NXPE2: variants seen among roughly 807,000 people sequenced by gnomAD.
NXPE2 encodes the protein NXPE family member 2.
Under a neutral mutation model 34.4 loss-of-function variants are expected in NXPE2, and 34 were observed. That is an observed-to-expected ratio of 0.99 (90% CI 0.75 to 1.31). NXPE2 has a LOEUF of 1.31. NXPE2 is among the 40% of genes most tolerant of loss of function. NXPE2 has a pLI of 0.00. For missense variants in NXPE2, 649 were observed against 672.5 expected, an observed-to-expected ratio of 0.97 and a Z score of 0.39; for synonymous variants, 235 against 231.3, an observed-to-expected ratio of 1.02 and a Z score of -0.15.
chr11:114,752,799 T>G, the NXPE2 span, among the ~76,000 whole-genome samples: 1 of 152,132 alleles, frequency 6.6e-6, no homozygotes, highest in Admixed American at 6.5e-5. Context: ...CAAGTAGAGA[T>G]GTCTAGTAAC....
the NXPE2 span, chr11:114,583,121 A>T: frequency 1.6e-6 from 2 of 1,271,456 alleles, no homozygotes; most frequent in Admixed American, 2.3e-5. Flanking sequence ...ACATGTTCCT[A>T]GTCATTTTTA....
chr11:114,752,098 A>G, the NXPE2 span, among the ~76,000 whole-genome samples: 3 of 152,258 alleles, frequency 2.0e-5, no homozygotes, highest in Non-Finnish European at 2.9e-5. Flanking sequence ...TTAATTTGTT[A>G]CAAGAACAAT....
the NXPE2 span, among the ~76,000 whole-genome samples, chr11:114,566,713 CTCTA>C: frequency 6.6e-6 from 1 of 152,108 alleles, no homozygotes; most frequent in African/African-American, 2.4e-5. Context: ...CTCTCTCTCT[CTCTA>C]TCTCTGTATA....
chr11:114,621,065 A>G, the NXPE2 span, among the ~76,000 whole-genome samples: 2 of 152,166 alleles, frequency 1.3e-5, no homozygotes, highest in Non-Finnish European at 2.9e-5. Context: ...GTTGGTAACC[A>G]CTATTACCCC....
the NXPE2 span, among the ~76,000 whole-genome samples, chr11:114,478,787 C>T: frequency 5.9e-5 from 9 of 152,142 alleles, no homozygotes; most frequent in Admixed American, 2.6e-4. Context: ...GAAAGCCCTT[C>T]AAATTCAGTT....
the NXPE2 span, among the ~76,000 whole-genome samples, chr11:114,579,973 T>C: frequency 6.6e-6 from 1 of 152,222 alleles, no homozygotes; most frequent in East Asian, 1.9e-4. Context: ...GCTGTATTGT[T>C]TTTTTAAAGG....
chr11:114,632,699 T>C, the NXPE2 span, among the ~76,000 whole-genome samples: 1 of 71,954 alleles, frequency 1.4e-5, no homozygotes, highest in Admixed American at 2.8e-4. Context: ...TTTATATATT[T>C]ATATAATATA....
At chr11:114,694,699 C>T (rs952060510) in intron 2 of NXPE2, among the ~76,000 whole-genome samples, 4 of 152,102 alleles carry the variant, frequency 2.6e-5, no homozygotes, top group Non-Finnish European at 2.9e-5. Flanking sequence ...TTATTTTTCA[C>T]ATGACTATGT....
the NXPE2 span, among the ~76,000 whole-genome samples, chr11:114,731,593 A>C: frequency 6.6e-6 from 1 of 152,198 alleles, no homozygotes; most frequent in Non-Finnish European, 1.5e-5. Context: ...TCGCAAGAGG[A>C]TGATGTTGAT....
At chr11:114,600,688 A>G in the NXPE2 span, among the ~76,000 whole-genome samples, 1 of 152,122 alleles carries the variant, frequency 6.6e-6, no homozygotes. Context: ...TAGAAGAAGG[A>G]CATTAACGGA....
the NXPE2 span, among the ~76,000 whole-genome samples, chr11:114,801,451 C>G: frequency 3.3e-5 from 5 of 152,134 alleles, no homozygotes; most frequent in Admixed American, 3.3e-4. Context: ...GGGGACAGAT[C>G]ATAGAGTCTT....
the NXPE2 span, among the ~76,000 whole-genome samples, chr11:114,664,678 G>T: frequency 5.3e-5 from 8 of 152,158 alleles, no homozygotes; most frequent in Non-Finnish European, 8.8e-5. Flanking sequence ...CTTATGAGTT[G>T]TTGACTCATA....
chr11:114,583,054 T>C, the NXPE2 span: 1 of 1,575,726 alleles, frequency 6.3e-7, no homozygotes, highest in Non-Finnish European at 8.6e-7. Context: ...ATGAGATGGA[T>C]AAATTTAGAG....
At chr11:114,697,558 TAGA>T (rs919136731) in intron 2 of NXPE2, among the ~76,000 whole-genome samples, 2 of 152,186 alleles carry the variant, frequency 1.3e-5, no homozygotes, top group African/African-American at 4.8e-5. Flanking sequence ...AGCAAAAATG[TAGA>T]AGAAGTAGAG....
At chr11:114,603,545 A>T in the NXPE2 span, among the ~76,000 whole-genome samples, 390 of 63,820 alleles carry the variant, frequency 6.1e-3, no homozygotes, top group Middle Eastern at 0.029. Context: ...TAACTCCTGT[A>T]ACTTGGTGGA....
chr11:114,759,082 G>T, the NXPE2 span, among the ~76,000 whole-genome samples: 1 of 145,786 alleles, frequency 6.9e-6, no homozygotes, highest in Non-Finnish European at 1.5e-5. Flanking sequence ...ACACGCACAT[G>T]CGTACACATG....
Position 114,693,617 on chromosome 11 carries a change from C to A in NXPE2, c.133-4428C>A, listed in dbSNP as rs563984588. Among the ~76,000 whole-genome samples the A allele has an allele frequency of 4.6e-5, 7 of 152,268 alleles. No homozygotes were observed. In the South Asian group the frequency reaches 1.5e-3, roughly 32 times the overall value. ...ACTTGCAGCCTTAACCTAACGAAAT[C>A]AAATGCTTGTTTTAAAAATAAAATC... On this transcript the variant is annotated intron_variant, in intron 2 of 5. Coordinates refer to ENST00000389586, the MANE Select transcript of NXPE2 (RefSeq NM_182495.6).
the NXPE2 span, among the ~76,000 whole-genome samples, chr11:114,765,113 C>A: frequency 6.6e-6 from 1 of 152,128 alleles, no homozygotes; most frequent in Non-Finnish European, 1.5e-5. Context: ...TATCTTTGAT[C>A]CTATTATAAC....
chr11:114,706,440 A>G lies in NXPE2; in HGVS notation c.1190A>G (p.His397Arg). 23 of 1,551,160 alleles carry G rather than the reference A, an allele frequency of 1.5e-5. No homozygotes were observed. The highest frequency in any genetic ancestry group is 1.9e-5 in the Non-Finnish European group (22 of 1,146,658). The change falls in exon 6 of 6, where the codon CAT (histidine) becomes CGT (arginine). Residue 397 changes from histidine to arginine, a missense_variant. Coordinates refer to ENST00000389586, the MANE Select transcript of NXPE2 (RefSeq NM_182495.6). ...CATGGAGCTGGGATCTTTAAAACAC[A>G]TGTTCTTCTGGATGTTGAAAGACAT... ...DHHGAGIFKTHVLLDVERHIL... is the reference protein window; with the variant it reads ...DHHGAGIFKTRVLLDVERHIL...
Sources: allele counts gnomAD v4.1 joint callset (sites outside exome capture counted in the v4.1 genomes callset), GRCh38; gene constraint gnomAD v4.1.1; transcripts MANE v1.5; gene names NCBI Gene and HGNC (gene_info 2026-07-23, HGNC 2026-07-21).